The following RHOA variants were observed in gnomAD, a reference collection of about 807,000 sequenced individuals.
The protein encoded by RHOA is ras homolog family member A.
Under a neutral mutation model 17.5 loss-of-function variants are expected in RHOA, and 3 were observed. The observed-to-expected ratio is 0.17, with a 90% CI of 0.08 to 0.44. The LOEUF (loss-of-function observed/expected upper bound fraction) is 0.44. Among genes scored for constraint, RHOA ranks in the 20% least tolerant of loss-of-function variants. The pLI, the probability that RHOA is intolerant of heterozygous loss-of-function variation, is 0.99. For missense variants in RHOA, 56 were observed against 242.3 expected (o/e 0.23, Z 5.10); for synonymous variants, 98 against 88.4 (o/e 1.11, Z -0.61).
intron 1 of RHOA, among the ~76,000 whole-genome samples, chr3:49,399,705 T>C (rs1191044569): frequency 6.6e-6 from 1 of 151,980 alleles, no homozygotes; most frequent in Non-Finnish European, 1.5e-5. Context: ...CCCCAAGTGC[T>C]GGGATTACAT....
chr3:49,386,617 G>A (rs1180869637), intron 1 of RHOA, among the ~76,000 whole-genome samples: 1 of 152,202 alleles, frequency 6.6e-6, no homozygotes, highest in Non-Finnish European at 1.5e-5. Flanking sequence ...GTCAAGAGAA[G>A]TGATTCTACA....
At chr3:49,378,403 C>T (rs747742234) in intron 1 of RHOA, among the ~76,000 whole-genome samples, 3 of 151,628 alleles carry the variant, frequency 2.0e-5, no homozygotes, top group South Asian at 2.1e-4. Context: ...TGCGCCACCA[C>T]GCCCAGCTAA....
intron 1 of RHOA, among the ~76,000 whole-genome samples, chr3:49,396,296 A>G (rs1193019571): frequency 6.6e-6 from 1 of 152,136 alleles, no homozygotes; most frequent in Non-Finnish European, 1.5e-5. Flanking sequence ...GCCCGGGGCC[A>G]GGCCTGGTGG....
At chr3:49,400,725 G>A (rs55957735) in intron 1 of RHOA, among the ~76,000 whole-genome samples, 66,122 of 150,786 alleles carry the variant, frequency 0.44, 15,740 homozygotes, top group East Asian at 0.93. Flanking sequence ...TAGCCAAAAA[G>A]GTGAGGTGGG....
At chr3:49,406,512 G>A (rs1040628016) in intron 1 of RHOA, among the ~76,000 whole-genome samples, 1 of 152,170 alleles carries the variant, frequency 6.6e-6, no homozygotes, top group African/African-American at 2.4e-5. Context: ...GGTAGCTCAC[G>A]CCCGTAATCC....
At position 49,382,038 on chromosome 3, in the gene RHOA, G is replaced by A. The variant is rs1463493055; in HGVS notation, c.-2-6447C>T. Among the ~76,000 whole-genome samples the A allele has an allele frequency of 4.0e-5, 6 of 150,276 alleles. No homozygotes were observed. In the East Asian group the frequency reaches 5.9e-4, roughly 15 times the overall value. On this transcript the variant is annotated intron_variant, in intron 1 of 4. Coordinates refer to ENST00000418115, the MANE Select transcript of RHOA (RefSeq NM_001664.4). ...TATCTCATAAAAATAAAAAAATATT[G>A]GCCGGGCATGGTGGCTCACACCTGT...
intron 1 of RHOA, among the ~76,000 whole-genome samples, chr3:49,393,710 G>A (rs1259716492): frequency 2.1e-5 from 3 of 140,946 alleles, no homozygotes; most frequent in Non-Finnish European, 4.5e-5. Context: ...GTGTGTGTGT[G>A]TGTGTGTGTG....
chr3:49,386,956 T>C (rs1448709435), intron 1 of RHOA, among the ~76,000 whole-genome samples: 1 of 147,788 alleles, frequency 6.8e-6, no homozygotes, highest in South Asian at 2.1e-4. Flanking sequence ...CTACTAAAAA[T>C]ACAAAAAAAA....
chr3:49,393,729 T>G (rs7650254), intron 1 of RHOA, among the ~76,000 whole-genome samples: 1 of 136,752 alleles, frequency 7.3e-6, no homozygotes. Context: ...TGTGTGTGTG[T>G]GACAGAATCT....
At chr3:49,385,726 T>G (rs2048386474) in intron 1 of RHOA, among the ~76,000 whole-genome samples, 1 of 152,130 alleles carries the variant, frequency 6.6e-6, no homozygotes, top group Admixed American at 6.6e-5. Context: ...TCTTACACTT[T>G]AGGCCTTTGA....
intron 2 of RHOA, among the ~76,000 whole-genome samples, chr3:49,369,286 G>A (rs1199739465): frequency 8.3e-6 from 1 of 119,938 alleles, no homozygotes; most frequent in African/African-American, 2.7e-5. Context: ...GCCTCCCAAA[G>A]TGCTGGGATT....
chr3:49,378,592 T>C (rs933680000), intron 1 of RHOA, among the ~76,000 whole-genome samples: 6 of 151,964 alleles, frequency 3.9e-5, no homozygotes, highest in Non-Finnish European at 7.4e-5. Context: ...CCTATCTATG[T>C]GTTTCTCTAT....
chr3:49,394,726 G>A (rs1262286504), intron 1 of RHOA, among the ~76,000 whole-genome samples: 2 of 152,090 alleles, frequency 1.3e-5, no homozygotes, highest in African/African-American at 4.8e-5. Flanking sequence ...AACACTCAGG[G>A]AAAACAGCAC....
intron 1 of RHOA, among the ~76,000 whole-genome samples, chr3:49,403,513 A>G (rs1361217796): frequency 6.6e-6 from 1 of 151,954 alleles, no homozygotes; most frequent in African/African-American, 2.4e-5. Context: ...CCAGGAGTTC[A>G]AGACCAGTCT....
chr3:49,387,037 A>G (rs947949662), intron 1 of RHOA, among the ~76,000 whole-genome samples: 1 of 142,690 alleles, frequency 7.0e-6, no homozygotes, highest in African/African-American at 2.6e-5. Flanking sequence ...GAACCGCTTG[A>G]ACCTGGGAGG....
chr3:49,386,592 T>TC (rs1226961602), intron 1 of RHOA, among the ~76,000 whole-genome samples: 2 of 152,180 alleles, frequency 1.3e-5, no homozygotes, highest in African/African-American at 4.8e-5. Flanking sequence ...TGTCTTACCC[T>TC]CCTTCCTTCC....
At chr3:49,368,599 C>T in intron 2 of RHOA, 51 bp from the exon 3 acceptor site, 2 of 1,608,242 alleles carry the variant, frequency 1.2e-6, no homozygotes, top group South Asian at 1.1e-5. Flanking sequence ...CCCCCACCCA[C>T]TTTTAGAAAA....
chr3:49,374,824 A>G (rs1248035921), intron 2 of RHOA, among the ~76,000 whole-genome samples: 1 of 152,144 alleles, frequency 6.6e-6, no homozygotes, highest in East Asian at 1.9e-4. Context: ...TAAAAATGAA[A>G]AAACAGCCAA....
At chr3:49,374,029 G>A (rs1296184640) in intron 2 of RHOA, among the ~76,000 whole-genome samples, 1 of 152,086 alleles carries the variant, frequency 6.6e-6, no homozygotes, top group Non-Finnish European at 1.5e-5. Context: ...TAAAACAACT[G>A]TGGCAGGCTA....
Sources: allele counts gnomAD v4.1 joint callset (sites outside exome capture counted in the v4.1 genomes callset), GRCh38; gene constraint gnomAD v4.1.1; transcripts MANE v1.5; gene names NCBI Gene and HGNC (gene_info 2026-07-23, HGNC 2026-07-21).